DHRS12: variants seen among roughly 807,000 people sequenced by gnomAD.
DHRS12 encodes the protein dehydrogenase/reductase 12.
Under a neutral mutation model 32.1 loss-of-function variants are expected in DHRS12, and 29 were observed. The ratio of observed to expected loss-of-function variants is 0.90; its 90% CI spans 0.67 to 1.23. DHRS12 has a LOEUF of 1.23. Among genes scored for constraint, DHRS12 ranks in the 50% most tolerant of loss-of-function variants. The probability of loss-of-function intolerance (pLI) is 0.00; values close to 1 mark genes in which losing one functional copy is unlikely to be tolerated. For missense variants in DHRS12, 330 were observed against 337.2 expected (o/e 0.98, Z 0.17); for synonymous variants, 150 against 135.9 (o/e 1.10, Z -0.72).
intron 2 of DHRS12, chr13:51,797,840 C>G: frequency 6.5e-7 from 1 of 1,535,470 alleles, no homozygotes. Context: ...TTACCGCTCT[C>G]CCGGATGATC....
chr13:51,756,267 G>A, the DHRS12 span: 1 of 1,553,950 alleles, frequency 6.4e-7, no homozygotes, highest in South Asian at 1.2e-5. Flanking sequence ...CAGGAGGGGT[G>A]AGATGCGGGG....
At chr13:51,792,514 C>A (rs779475189) in intron 2 of DHRS12, among the ~76,000 whole-genome samples, 4 of 152,154 alleles carry the variant, frequency 2.6e-5, no homozygotes, top group Non-Finnish European at 5.9e-5. Flanking sequence ...ATTCTCCTGC[C>A]TCAGCCTCCC....
At chr13:51,802,444 G>C (rs925227391) in intron 1 of DHRS12, among the ~76,000 whole-genome samples, 6 of 152,232 alleles carry the variant, frequency 3.9e-5, no homozygotes, top group African/African-American at 9.6e-5. Context: ...TCCTGAAGCT[G>C]AGGTGACAGG....
rs116638492 is a variant in DHRS12 at position 51,794,987 on chromosome 13, T to C, written c.127-3730A>G. ...TCTGCTCTACAGTAACCAGTACTCC[T>C]TTCCCCAAGCTTAAGCCACACATAA... On this transcript the variant is annotated intron_variant, in intron 2 of 8. Coordinates refer to ENST00000444610, the MANE Select transcript of DHRS12 (RefSeq NM_001377533.1). 4.9e-3 allele frequency among the ~76,000 whole-genome samples: 743 copies of C among 152,196 alleles called. 6 individuals are homozygous for C. Among genetic ancestry groups the C allele is most frequent in the African/African-American group, 0.016 (651 of 41,526 alleles).
chr13:51,776,831 A>G (rs1954439627), intron 5 of DHRS12, among the ~76,000 whole-genome samples: 1 of 151,948 alleles, frequency 6.6e-6, no homozygotes, highest in African/African-American at 2.4e-5. Flanking sequence ...CACCCACGTG[A>G]CAGCCGGAGT....
At chr13:51,799,476 G>A in intron 2 of DHRS12, 58 bp downstream of exon 2, 1 of 1,602,172 alleles carries the variant, frequency 6.2e-7, no homozygotes, top group Admixed American at 1.7e-5. Flanking sequence ...TCCTCAGTGT[G>A]GACCGGCCGC....
chr13:51,756,586 G>A, the DHRS12 span: 228 of 1,402,806 alleles, frequency 1.6e-4, no homozygotes, highest in Non-Finnish European at 2.0e-4. Context: ...TATAGTCCAC[G>A]GCAAGCAGTA....
the DHRS12 span, among the ~76,000 whole-genome samples, chr13:51,757,361 A>T: frequency 6.6e-6 from 1 of 152,226 alleles, no homozygotes; most frequent in Admixed American, 6.5e-5. Flanking sequence ...TTAAGAGTTT[A>T]AGGGACTTAC....
chr13:51,794,152 C>A (rs1955404967), intron 2 of DHRS12, among the ~76,000 whole-genome samples: 1 of 152,226 alleles, frequency 6.6e-6, no homozygotes, highest in Admixed American at 6.5e-5. Context: ...AAGTCCCAAT[C>A]TGCGGAGCCA....
chr13:51,776,913 T>C (rs896341889), intron 5 of DHRS12, 147 bp downstream of exon 5: 1 of 873,968 alleles, frequency 1.1e-6, no homozygotes, highest in Non-Finnish European at 1.8e-6. Context: ...TCCACTTCCC[T>C]CTCGGCCCCC....
Position 51,788,403 on chromosome 13 carries a change from A to AT in DHRS12, c.301+1607dup, listed in dbSNP as rs1288890281. On this transcript the variant is annotated intron_variant, in intron 4 of 8. Coordinates refer to ENST00000444610, the MANE Select transcript of DHRS12 (RefSeq NM_001377533.1). ...CCATTTCATACAAGCTTCCAGGTAT[A>AT]TTTGTTTTGAAAAATGCAACCTCAT... is the stretch of plus-strand genomic sequence containing the variant. Among the ~76,000 whole-genome samples the AT allele has an allele frequency of 2.0e-5, 3 of 152,286 alleles. No individual in the cohort carries two copies. In the East Asian group the frequency reaches 5.8e-4, roughly 29 times the overall value.
chr13:51,762,123 C>G, the DHRS12 span: 1 of 152,216 alleles, frequency 6.6e-6, no homozygotes, highest in African/African-American at 2.4e-5. Context: ...AGTAATAGAG[C>G]TGAATCACTC....
At chr13:51,755,559 G>C in the DHRS12 span, 1 of 1,156,616 alleles carries the variant, frequency 8.6e-7, no homozygotes. Context: ...GTTGTGGTGA[G>C]GGTAAATTAT....
rs1015008595 is a variant in DHRS12 at position 51,768,617 on chromosome 13, T to G, written c.698-321A>C. ...TTCAGAATTCCTCAAGCAAGGGTGG[T>G]TCTCATCAAGAACAGAGGAAAGAGA... On this transcript the variant is annotated intron_variant, in intron 8 of 8. Coordinates refer to ENST00000444610, the MANE Select transcript of DHRS12 (RefSeq NM_001377533.1). 8.4e-6 allele frequency: 10 copies of G among 1,192,530 alleles called. No individual in the cohort carries two copies. In the Admixed American group the frequency reaches 2.5e-4, roughly 29 times the overall value. 73.9% of individuals were successfully genotyped at this position (1,192,530 alleles called of 1,614,324 possible).
At chr13:51,764,323 C>T (rs967980726), downstream of DHRS12, 1 of 152,390 alleles carries the variant, frequency 6.6e-6, no homozygotes, top group Non-Finnish European at 1.5e-5. Flanking sequence ...CAGGGTGCCA[C>T]TAACCCAGCA....
intron 7 of DHRS12, 189 bp downstream of exon 7, chr13:51,771,632 A>C (rs1481528603): frequency 1.4e-6 from 2 of 1,446,642 alleles, no homozygotes; most frequent in Non-Finnish European, 1.9e-6. Context: ...TGGAAGCAAA[A>C]GCTCTGTGTC....
intron 2 of DHRS12, chr13:51,797,827 T>A (rs747393733): frequency 1.3e-6 from 2 of 1,535,096 alleles, no homozygotes. Context: ...GCTGCTCACC[T>A]GGTTACCGCT....
intron 2 of DHRS12, 80 bp from the exon 3 acceptor site, chr13:51,791,337 G>A (rs778338501): frequency 4.7e-6 from 4 of 849,568 alleles, no homozygotes; most frequent in Non-Finnish European, 7.0e-6. Flanking sequence ...AAAGTATACG[G>A]TTTTTAAAAA....
chr13:51,774,546 AGTATTCTCCTACAT>A (rs1338483804), intron 5 of DHRS12: 2 of 20,474 alleles, frequency 9.8e-5, no homozygotes, highest in Admixed American at 4.5e-4. Flanking sequence ...TGTATTCTAC[AGTATTCTCCTACAT>A]GTATTCTCCT....
Sources: gnomAD v4.1 joint callset for allele counts (sites outside exome capture counted in the v4.1 genomes callset) on GRCh38, gnomAD v4.1.1 for gene constraint, MANE v1.5 for transcripts, NCBI Gene and HGNC (gene_info 2026-07-23, HGNC 2026-07-21) for gene names.